Variants in PRDM5 observed in about 807,000 individuals in gnomAD.
PRDM5 encodes PR/SET domain 5.
In PRDM5, 56 loss-of-function variants were observed where a neutral mutation model predicts 81.2. The ratio of observed to expected loss-of-function variants is 0.69; its 90% CI spans 0.56 to 0.86. The LOEUF (loss-of-function observed/expected upper bound fraction) is 0.86. Ranked by LOEUF, PRDM5 falls within the 40% of genes least tolerant of loss-of-function variation. PRDM5 has a pLI of 0.00. For synonymous variants in PRDM5, 267 were observed against 256.4 expected (o/e 1.04, Z -0.39); for missense variants, 697 against 770.1 (o/e 0.91, Z 1.12).
At chr4:120,705,932 G>T (rs1736040014) in intron 15 of PRDM5, among the ~76,000 whole-genome samples, 1 of 152,078 alleles carries the variant, frequency 6.6e-6, no homozygotes. Context: ...TTAGATGTAG[G>T]GTGTGAGAGA....
rs140501417 is a variant in PRDM5, at chr4:120,774,888, CTA to C, written c.1537+2298_1537+2299del. ...TCTCTGTCTCTCTCTCTCTCTCTTT[CTA>C]TATATATATATATATATGTATATGT... is the stretch of plus-strand genomic sequence containing the variant. On this transcript the variant is annotated intron_variant, in intron 13 of 15. Coordinates refer to ENST00000264808, the MANE Select transcript of PRDM5 (RefSeq NM_018699.4). 7.7e-5 allele frequency among the ~76,000 whole-genome samples: 10 copies of C among 129,362 alleles called. 1 individual carries two copies. The highest frequency in any genetic ancestry group is 2.3e-4 in the South Asian group (1 of 4,350). The allele number at this position is 129,362 out of a possible 152,430, so 84.9% of individuals were successfully genotyped here.
At chr4:120,714,841 A>G (rs1235431785) in intron 14 of PRDM5, among the ~76,000 whole-genome samples, 14 of 152,110 alleles carry the variant, frequency 9.2e-5, no homozygotes. Context: ...GACTGTTTTA[A>G]GTTGATTTAT....
chr4:120,753,008 A>G (rs1416845533), intron 14 of PRDM5, among the ~76,000 whole-genome samples: 1 of 152,196 alleles, frequency 6.6e-6, no homozygotes, highest in Admixed American at 6.5e-5. Flanking sequence ...TTCTTGAGAA[A>G]ACCCAAAAGA....
In PRDM5 at chr4:120,694,944, A is replaced by C; in HGVS notation, c.*167T>G. 3 of 733,784 alleles carry C rather than the reference A, an allele frequency of 4.1e-6. No individual in the cohort carries two copies. The highest frequency in any genetic ancestry group is 6.8e-6 in the Non-Finnish European group (3 of 443,874). 45.5% of individuals were successfully genotyped at this position (733,784 alleles called of 1,614,324 possible). ...TATACCATTTCTTGTTAAAAGTAAG[A>C]CTTTTTTTTGGTTGCATATGCATCT... On this transcript the variant is annotated 3_prime_UTR_variant, in exon 16 of 16. Coordinates refer to ENST00000264808, the MANE Select transcript of PRDM5 (RefSeq NM_018699.4).
intron 5 of PRDM5, chr4:120,818,114 T>G (rs960421035): frequency 9.9e-5 from 47 of 472,640 alleles, no homozygotes; most frequent in Admixed American, 2.5e-4. Flanking sequence ...CTAATTACCA[T>G]AAACAGTGTT....
rs75293245 is a variant in PRDM5 at position 120,919,189 on chromosome 4, C to T, written c.93+3327G>A. On this transcript the variant is annotated intron_variant, in intron 1 of 15. Coordinates refer to ENST00000264808, the MANE Select transcript of PRDM5 (RefSeq NM_018699.4). ...CCTCATTTACTCTTTAATGCCTCAT[C>T]CTGTTTATTTCCTGCAATTAATTTA... Among the ~76,000 whole-genome samples the T allele has an allele frequency of 5.4e-3, 828 of 152,306 alleles. 2 individuals carry two copies. The highest frequency in any genetic ancestry group is 8.8e-3 in the Non-Finnish European group (599 of 68,026).
intron 12 of PRDM5, 83 bp from the exon 13 acceptor site, chr4:120,777,364 C>T: frequency 6.3e-7 from 1 of 1,590,508 alleles, no homozygotes; most frequent in Middle Eastern, 1.7e-4. Flanking sequence ...AATAGTAAAT[C>T]CTTATTTTGT....
At chr4:120,750,558 T>TTCATTATTTCAAATTACTGTGA in intron 14 of PRDM5, among the ~76,000 whole-genome samples, 1 of 152,160 alleles carries the variant, frequency 6.6e-6, no homozygotes, top group East Asian at 1.9e-4. Flanking sequence ...ACCCCAAACC[T>TTCATTATTTCAAATTACTGTGA]AGCTTAGCCA....
chr4:120,908,278 C>T (rs539122605), intron 1 of PRDM5, among the ~76,000 whole-genome samples: 1 of 152,324 alleles, frequency 6.6e-6, no homozygotes, highest in South Asian at 2.1e-4. Context: ...AAAGCAGGGA[C>T]TGCAGAGACA....
At chr4:120,892,059 T>C (rs1764106016) in intron 2 of PRDM5, among the ~76,000 whole-genome samples, 1 of 152,236 alleles carries the variant, frequency 6.6e-6, no homozygotes, top group South Asian at 2.1e-4. Context: ...CTTAATTTCA[T>C]TGTTTATACA....
In PRDM5 at chr4:120,903,735, T is replaced by G. The variant is rs569080774; in HGVS notation, c.177+3739A>C. Among the ~76,000 whole-genome samples, 3 of 152,282 alleles carry G rather than the reference T, an allele frequency of 2.0e-5. No homozygotes were observed. In the East Asian group the frequency reaches 5.8e-4, roughly 29 times the overall value. Reference sequence around the variant, plus strand: ...GGCAGTTTACCCAATACTGTTCTCGTGGTAGTGAATAAGTTTTACAAGGTC... The same window carrying G: ...GGCAGTTTACCCAATACTGTTCTCGGGGTAGTGAATAAGTTTTACAAGGTC... On this transcript the variant is annotated intron_variant, in intron 2 of 15. Transcript: ENST00000264808.
Position 120,693,095 on chromosome 4 carries a change from T to C in PRDM5, c.*2016A>G, listed in dbSNP as rs1432684850. The C allele has an allele frequency of 6.6e-6, 1 of 152,038 alleles. No individual in the cohort carries two copies. The highest frequency in any genetic ancestry group is 1.5e-5 in the Non-Finnish European group (1 of 67,990). 9.4% of individuals were successfully genotyped at this position (152,038 alleles called of 1,614,324 possible). ...CCATGTCTATAAACCTTCAGCAGGATAAAGCCCAGCACCTCTTGCCTGTCT... is the reference window on the plus strand; with the variant it reads ...CCATGTCTATAAACCTTCAGCAGGACAAAGCCCAGCACCTCTTGCCTGTCT... On this transcript the variant is annotated 3_prime_UTR_variant, in exon 16 of 16. Transcript: ENST00000264808.
chr4:120,734,417 CAA>C (rs1561017275), intron 14 of PRDM5, among the ~76,000 whole-genome samples: 5 of 124,498 alleles, frequency 4.0e-5, no homozygotes, highest in African/African-American at 1.0e-4. Context: ...CACACACACA[CAA>C]ATACACACAC....
intron 10 of PRDM5, among the ~76,000 whole-genome samples, chr4:120,798,011 C>A (rs894901073): frequency 5.3e-5 from 8 of 152,040 alleles, no homozygotes; most frequent in Non-Finnish European, 1.2e-4. Flanking sequence ...AAAGACTTCA[C>A]AATTAGTAAA....
intron 14 of PRDM5, among the ~76,000 whole-genome samples, chr4:120,742,903 C>T (rs1248070388): frequency 6.6e-5 from 10 of 152,046 alleles, no homozygotes; most frequent in African/African-American, 1.2e-4. Context: ...GGCAGGCCAA[C>T]GTTCAGGTTC....
intron 15 of PRDM5, among the ~76,000 whole-genome samples, chr4:120,709,706 G>GT (rs11289196): frequency 7.9e-5 from 12 of 151,762 alleles, no homozygotes; most frequent in Admixed American, 1.3e-4. Context: ...AAGAACAGTG[G>GT]TTTTTTTTCC....
chr4:120,891,128 C>T (rs1474324830), intron 2 of PRDM5, among the ~76,000 whole-genome samples: 1 of 152,174 alleles, frequency 6.6e-6, no homozygotes, highest in East Asian at 1.9e-4. Context: ...CTGTATACAT[C>T]TGGCAGAATT....
At chr4:120,695,790 C>T (rs1240530140) in intron 15 of PRDM5, among the ~76,000 whole-genome samples, 3 of 151,982 alleles carry the variant, frequency 2.0e-5, no homozygotes, top group Non-Finnish European at 4.4e-5. Flanking sequence ...TTAAACAGCC[C>T]CATAACTAAA....
intron 2 of PRDM5, among the ~76,000 whole-genome samples, chr4:120,901,870 T>C (rs1203915371): frequency 1.3e-5 from 2 of 152,148 alleles, no homozygotes; most frequent in African/African-American, 2.4e-5. Context: ...TTGCATCAGA[T>C]CACACCACTG....
Sources: gnomAD v4.1 joint callset for allele counts (sites outside exome capture counted in the v4.1 genomes callset) on GRCh38, gnomAD v4.1.1 for gene constraint, MANE v1.5 for transcripts, NCBI Gene and HGNC (gene_info 2026-07-23, HGNC 2026-07-21) for gene names.